The following AFF3 variants were observed in gnomAD, a reference collection of about 807,000 sequenced individuals.
AFF3 encodes ALF transcription elongation factor 3, also known as AF4/FMR2 family member 3.
In AFF3, 32 loss-of-function variants were observed where a neutral mutation model predicts 129.7. The ratio of observed to expected loss-of-function variants is 0.25; its 90% confidence interval spans 0.19 to 0.33. The LOEUF is 0.33. Ranked by LOEUF, AFF3 falls within the 10% of genes least tolerant of loss-of-function variation. The pLI is 1.00. For missense variants in AFF3, 1,373 were observed against 1,592.0 expected, an observed-to-expected ratio of 0.86 and a Z score of 2.34; for synonymous variants, 644 against 635.4, an observed-to-expected ratio of 1.01 and a Z score of -0.20.
Position 100,011,118 on chromosome 2 carries a change from C to T in AFF3, c.54-2186G>A, listed in dbSNP as rs1682495962. 2.6e-5 allele frequency among the ~76,000 whole-genome samples: 4 copies of T among 152,016 alleles called. No homozygotes were observed. The South Asian group carries it at 8.3e-4, about 32-fold the overall frequency. ...TGAAACCCCATTTCTACTAAAAATA[C>T]AAAAAATTAGCCAGGGGCGGTGGTG... On this transcript the variant is annotated intron_variant, in intron 4 of 24. Coordinates refer to ENST00000672756, the MANE Select transcript of AFF3 (RefSeq NM_001386135.1).
chr2:99,784,435 C>T (rs986354135), intron 8 of AFF3, among the ~76,000 whole-genome samples: 8 of 152,134 alleles, frequency 5.3e-5, no homozygotes, highest in African/African-American at 1.9e-4. Flanking sequence ...CTGCACAGCA[C>T]AGAAAGGAGA....
intron 20 of AFF3, 84 bp downstream of exon 20, chr2:99,565,403 G>C: frequency 6.4e-7 from 1 of 1,552,712 alleles, no homozygotes; most frequent in Non-Finnish European, 8.8e-7. Context: ...GATGGTGCAG[G>C]CTGACATTCT....
chr2:99,764,818 T>C (rs973305825), intron 8 of AFF3, among the ~76,000 whole-genome samples: 5 of 152,142 alleles, frequency 3.3e-5, no homozygotes, highest in Non-Finnish European at 1.5e-5. Context: ...TGCTGCAATA[T>C]ACAGACACCT....
In AFF3 at chr2:100,081,095, G is replaced by C. The variant is rs577736414; in HGVS notation, c.53+23307C>G. Among the ~76,000 whole-genome samples the C allele has an allele frequency of 5.9e-5, 9 of 152,090 alleles. No individual in the cohort carries two copies. The South Asian group carries it at 1.0e-3, about 18-fold the overall frequency. ...AAGCCAAGCCCACAGTCCACAAGTG[G>C]AATCAGGTCACTGTCCTCAGGAAGT... is the stretch of plus-strand genomic sequence containing the variant. On this transcript the variant is annotated intron_variant, in intron 4 of 24. Coordinates refer to ENST00000672756, the MANE Select transcript of AFF3 (RefSeq NM_001386135.1).
intron 7 of AFF3, among the ~76,000 whole-genome samples, chr2:99,891,134 C>T (rs556589699): frequency 7.9e-5 from 12 of 151,896 alleles, no homozygotes; most frequent in Non-Finnish European, 1.6e-4. Flanking sequence ...AGGGAACGGA[C>T]AAGGATTTGA....
chr2:99,855,218 T>G (rs1039475647), intron 7 of AFF3, among the ~76,000 whole-genome samples: 1 of 152,184 alleles, frequency 6.6e-6, no homozygotes, highest in Non-Finnish European at 1.5e-5. Flanking sequence ...TTGGGTGTGA[T>G]GGAAATGTTT....
At chr2:100,121,429 G>A (rs1559135709) in intron 2 of AFF3, among the ~76,000 whole-genome samples, 1 of 152,182 alleles carries the variant, frequency 6.6e-6, no homozygotes, top group Non-Finnish European at 1.5e-5. Flanking sequence ...GGTTATATAG[G>A]CTAAAGCAGT....
chr2:100,113,296 G>C (rs925431500), intron 2 of AFF3, among the ~76,000 whole-genome samples: 2 of 152,210 alleles, frequency 1.3e-5, no homozygotes, highest in Non-Finnish European at 2.9e-5. Context: ...AAAGCCCACT[G>C]TCTAGAAGAT....
chr2:100,095,433 C>CGTATCCT (rs1174009708), intron 4 of AFF3, among the ~76,000 whole-genome samples: 5 of 152,328 alleles, frequency 3.3e-5, no homozygotes, highest in Admixed American at 3.3e-4. Context: ...GGCAGTATCA[C>CGTATCCT]GGCTACCAGG....
In AFF3 at chr2:99,545,814, C is replaced by T. The variant is rs1410642865; in HGVS notation, c.*5660G>A. 1.1e-5 allele frequency: 2 copies of T among 179,948 alleles called. No individual in the cohort carries two copies. The highest frequency in any genetic ancestry group is 2.4e-5 in the Non-Finnish European group (2 of 84,064). The allele number at this position is 179,948 out of a possible 1,614,324, so 11.1% of individuals were successfully genotyped here. A position where few individuals can be genotyped will look rare whatever the true frequency, so the allele number is the denominator to read the frequency against. On this transcript the variant is annotated 3_prime_UTR_variant, in exon 25 of 25. Coordinates refer to ENST00000672756, the MANE Select transcript of AFF3 (RefSeq NM_001386135.1). ...CAACACAAAATTTACCCCCTGCTGC[C>T]TCGGAGTGCCAATTAAAATAATAAA...
At chr2:99,940,059 C>A (rs1674881853) in intron 7 of AFF3, among the ~76,000 whole-genome samples, 1 of 152,152 alleles carries the variant, frequency 6.6e-6, no homozygotes. Flanking sequence ...ACTTCCACTG[C>A]CAAATGCGTA....
chr2:99,600,300 A>G (rs1679694386), intron 14 of AFF3, among the ~76,000 whole-genome samples: 1 of 152,144 alleles, frequency 6.6e-6, no homozygotes, highest in Non-Finnish European at 1.5e-5. Flanking sequence ...AGTGTGGGGA[A>G]ACAAAATGTC....
intron 7 of AFF3, among the ~76,000 whole-genome samples, chr2:99,849,161 C>T (rs1689954208): frequency 6.6e-6 from 1 of 151,904 alleles, no homozygotes; most frequent in African/African-American, 2.4e-5. Context: ...CTCAAAGTTA[C>T]AAGCAGAACA....
intron 4 of AFF3, among the ~76,000 whole-genome samples, chr2:100,041,824 GAT>G (rs1280532907): frequency 3.9e-5 from 6 of 151,982 alleles, no homozygotes; most frequent in African/African-American, 1.5e-4. Flanking sequence ...ATATAGAAGG[GAT>G]ATTTGCATCA....
chr2:99,964,308 T>C (rs576341725), intron 7 of AFF3, among the ~76,000 whole-genome samples: 86 of 152,296 alleles, frequency 5.6e-4, no homozygotes, highest in African/African-American at 2.0e-3. Flanking sequence ...TACACATTTT[T>C]CAAGTGTTCA....
chr2:100,069,118 C>T (rs982182338), intron 4 of AFF3, among the ~76,000 whole-genome samples: 2 of 152,114 alleles, frequency 1.3e-5, no homozygotes, highest in Non-Finnish European at 2.9e-5. Context: ...CCAACCTCCA[C>T]CCTCCAACAG....
intron 2 of AFF3, 121 bp downstream of exon 2, chr2:100,129,103 C>T (rs566806141): frequency 6.6e-5 from 10 of 152,216 alleles, no homozygotes; most frequent in African/African-American, 9.6e-5. Flanking sequence ...CAGCAGCAAC[C>T]GCTTAACGTA....
intron 11 of AFF3, among the ~76,000 whole-genome samples, chr2:99,721,290 G>A (rs776724158): frequency 9.9e-5 from 15 of 152,006 alleles, no homozygotes; most frequent in Non-Finnish European, 1.5e-4. Flanking sequence ...CAGCACTTTC[G>A]GAGGCCAAGG....
intron 7 of AFF3, among the ~76,000 whole-genome samples, chr2:99,978,224 C>T (rs1679066095): frequency 6.6e-6 from 1 of 152,116 alleles, no homozygotes; most frequent in East Asian, 1.9e-4. Context: ...TAAGACTGCT[C>T]ACAGAACTCT....
Sources: gnomAD v4.1 joint callset for allele counts (sites outside exome capture counted in the v4.1 genomes callset) on GRCh38, gnomAD v4.1.1 for gene constraint, MANE v1.5 for transcripts, NCBI Gene and HGNC (gene_info 2026-07-23, HGNC 2026-07-21) for gene names.